The following PIEZO2 variants were observed in gnomAD, a reference collection of about 807,000 sequenced individuals.
PIEZO2 encodes piezo type mechanosensitive ion channel component 2, also known as piezo-type mechanosensitive ion channel component 2.
A neutral mutation model predicts 337.3 loss-of-function variants in PIEZO2; 172 were observed. The observed-to-expected ratio is 0.51, with a 90% CI of 0.45 to 0.58. PIEZO2 has a LOEUF of 0.58. PIEZO2 is among the 20% of genes least tolerant of loss of function. The pLI, the probability that PIEZO2 is intolerant of heterozygous loss-of-function variation, is 0.00. For synonymous variants in PIEZO2, 1,251 were observed against 1,228.5 expected (o/e 1.02, Z -0.38); for missense variants, 3,028 against 3,391.3 (o/e 0.89, Z 2.66).
intron 4 of PIEZO2, among the ~76,000 whole-genome samples, chr18:10,902,677 A>AGATAAAAC (rs935249317): frequency 1.3e-5 from 2 of 152,228 alleles, no homozygotes; most frequent in African/African-American, 4.8e-5. Context: ...TCCAAGCCAA[A>AGATAAAAC]GATAAAACTG....
At chr18:10,976,308 A>T (rs1323673049) in intron 3 of PIEZO2, among the ~76,000 whole-genome samples, 8 of 152,212 alleles carry the variant, frequency 5.3e-5, no homozygotes. Context: ...AAACCAAAAA[A>T]ATCTACAACA....
In PIEZO2 at chr18:10,726,918, G is replaced by A. The variant is rs1019761197; in HGVS notation, c.5029+4489C>T. 2.2e-5 allele frequency: 35 copies of A among 1,567,422 alleles called. No individual in the cohort carries two copies. The highest frequency in any genetic ancestry group is 1.4e-5 in the Non-Finnish European group (16 of 1,154,462). On this transcript the variant is annotated intron_variant, in intron 36 of 55. Coordinates refer to ENST00000674853, the MANE Select transcript of PIEZO2 (RefSeq NM_001378183.1). The surrounding 1 kb of genome is among the most constrained non-coding windows in gnomAD (Gnocchi z 5.9). Reference sequence around the variant, plus strand: ...CCAACCGGCTGGATGTGGCGGAGCTGGGTCGCCTGCTGCCCGACTGATGTA... The same window carrying A: ...CCAACCGGCTGGATGTGGCGGAGCTAGGTCGCCTGCTGCCCGACTGATGTA...
rs1378586165 is a variant in PIEZO2 at position 11,078,053 on chromosome 18, CACA to C, written c.65-11834_65-11832del. On this transcript the variant is annotated intron_variant, in intron 1 of 55. Transcript: ENST00000674853. The surrounding 1 kb of genome is among the most constrained non-coding windows in gnomAD (Gnocchi z 5.3). ...ACACACACCCACACACACCCACACA[CACA>C]CACACACACACCACACACACAAAAA... is the stretch of plus-strand genomic sequence containing the variant. Among the ~76,000 whole-genome samples the C allele has an allele frequency of 7.0e-5, 10 of 143,038 alleles. No homozygotes were observed. The highest frequency in any genetic ancestry group is 2.8e-4 in the African/African-American group (10 of 36,286). The allele number at this position is 143,038 out of a possible 152,430, so 93.8% of individuals were successfully genotyped here. A position where few individuals can be genotyped will look rare whatever the true frequency, so the allele number is the denominator to read the frequency against.
chr18:10,967,740 C>T (rs13381892), intron 3 of PIEZO2, among the ~76,000 whole-genome samples: 1,799 of 152,160 alleles, frequency 0.012, 33 homozygotes, highest in African/African-American at 0.041. Flanking sequence ...TGTATATCTT[C>T]TTTTGAGAAT....
In PIEZO2 at chr18:11,001,905, A is replaced by AGAGGAAG. The variant is rs1555691360; in HGVS notation, c.161-22246_161-22245insCTTCCTC. On this transcript the variant is annotated intron_variant, in intron 2 of 55. Coordinates refer to ENST00000674853, the MANE Select transcript of PIEZO2 (RefSeq NM_001378183.1). This position sits in a 1 kb window ranked among gnomAD's most constrained non-coding sequence, Gnocchi z 5.3. ...AAAAGGAGAAAAAGGGAAGGAAGGA[A>AGAGGAAG]GAAGGAAGGAAGGAAGGAAGGAAGG... Among the ~76,000 whole-genome samples the AGAGGAAG allele has an allele frequency of 7.2e-6, 1 of 139,202 alleles. No homozygotes were observed. Among genetic ancestry groups the AGAGGAAG allele is most frequent in the Admixed American group, 7.4e-5 (1 of 13,490 alleles). 91.3% of individuals were successfully genotyped at this position (139,202 alleles called of 152,430 possible).
chr18:10,787,193 C>T lies in PIEZO2; in HGVS notation c.2170-9G>A. 2 of 1,471,442 alleles carry T rather than the reference C, an allele frequency of 1.4e-6. No homozygotes were observed. Among genetic ancestry groups the T allele is most frequent in the Non-Finnish European group, 1.8e-6 (2 of 1,120,836 alleles). The allele number at this position is 1,471,442 out of a possible 1,614,324, so 91.1% of individuals were successfully genotyped here. On this transcript the variant is annotated splice_polypyrimidine_tract_variant and intron_variant, in intron 15 of 55. Transcript: ENST00000674853. ...CACCATTCATAGTGCACCTGCAAAT[C>T]AGACATTGAAAAAAAAAAATGAGAA...
In PIEZO2 at chr18:10,707,581, T is replaced by G. The variant is rs1567970381; in HGVS notation, c.5588+694A>C. Among the ~76,000 whole-genome samples the G allele has an allele frequency of 6.6e-6, 1 of 152,234 alleles. No individual in the cohort carries two copies. The highest frequency in any genetic ancestry group is 2.4e-5 in the African/African-American group (1 of 41,466). On this transcript the variant is annotated intron_variant, in intron 40 of 55. Transcript: ENST00000674853. The surrounding 1 kb of genome is among the most constrained non-coding windows in gnomAD (Gnocchi z 4.2). ...ACTTCATTGTGCCCCCTCACCATCCTAAGGCAATTCAAAAAGAGTTTTCGG... is the reference window on the plus strand; with the variant it reads ...ACTTCATTGTGCCCCCTCACCATCCGAAGGCAATTCAAAAAGAGTTTTCGG...
chr18:10,864,376 T>C lies in PIEZO2; in HGVS notation c.492+6877A>G, dbSNP rs559075297. On this transcript the variant is annotated intron_variant, in intron 5 of 55. Coordinates refer to ENST00000674853, the MANE Select transcript of PIEZO2 (RefSeq NM_001378183.1). ...GACCCCAGTAGTCACTCAGGGAAGA[T>C]ATAACTACTTATAAATTGAGAATAT... Among the ~76,000 whole-genome samples the C allele has an allele frequency of 3.9e-5, 6 of 152,148 alleles. No homozygotes were observed. The East Asian group carries it at 1.2e-3, about 29-fold the overall frequency.
intron 4 of PIEZO2, among the ~76,000 whole-genome samples, chr18:10,891,131 G>C (rs534285221): frequency 2.6e-5 from 4 of 152,142 alleles, no homozygotes; most frequent in Admixed American, 1.3e-4. Flanking sequence ...CCAGGAGTTC[G>C]AGAGCAACAT....
At chr18:10,873,640 T>A (rs2042192936) in intron 4 of PIEZO2, among the ~76,000 whole-genome samples, 1 of 152,166 alleles carries the variant, frequency 6.6e-6, no homozygotes, top group Admixed American at 6.5e-5. Context: ...ACTAGTCAAC[T>A]ACTGTTATAA....
chr18:10,715,126 G>A (rs565964172), intron 38 of PIEZO2, among the ~76,000 whole-genome samples, 196 bp from the exon 39 acceptor site: 1 of 152,296 alleles, frequency 6.6e-6, no homozygotes, highest in African/African-American at 2.4e-5. Context: ...CTAAGTAAAT[G>A]TCTTCTTATA....
intron 4 of PIEZO2, among the ~76,000 whole-genome samples, chr18:10,873,437 T>C (rs924512280): frequency 2.0e-5 from 3 of 152,202 alleles, no homozygotes; most frequent in Non-Finnish European, 4.4e-5. Flanking sequence ...TTCCCATGTA[T>C]GTATCCACAT....
intron 2 of PIEZO2, among the ~76,000 whole-genome samples, chr18:11,046,942 T>A (rs2037338906): frequency 6.6e-6 from 1 of 152,232 alleles, no homozygotes; most frequent in Non-Finnish European, 1.5e-5. Context: ...AACTTGTCTT[T>A]GATACGCTCT....
rs2037400308 is a variant in PIEZO2 at position 11,048,439 on chromosome 18, G to A, written c.160+17688C>T. 6.6e-6 allele frequency among the ~76,000 whole-genome samples: 1 copy of A among 152,184 alleles called. No individual in the cohort carries two copies. Among genetic ancestry groups the A allele is most frequent in the Non-Finnish European group, 1.5e-5 (1 of 68,036 alleles). ...TATTTTGTACCAGTATTCTCAGTGT[G>A]TTTATTTGACTTCCCTGCTTAATGC... On this transcript the variant is annotated intron_variant, in intron 2 of 55. Coordinates refer to ENST00000674853, the MANE Select transcript of PIEZO2 (RefSeq NM_001378183.1). This position sits in a 1 kb window ranked among gnomAD's most constrained non-coding sequence, Gnocchi z 4.5.
At chr18:11,036,858 G>A (rs1421637768) in intron 2 of PIEZO2, among the ~76,000 whole-genome samples, 1 of 152,172 alleles carries the variant, frequency 6.6e-6, no homozygotes, top group African/African-American at 2.4e-5. Context: ...CTGTGATTGA[G>A]AGTGATGTGT....
At chr18:11,040,702 C>T (rs1317523075) in intron 2 of PIEZO2, among the ~76,000 whole-genome samples, 1 of 152,110 alleles carries the variant, frequency 6.6e-6, no homozygotes, top group African/African-American at 2.4e-5. Flanking sequence ...TGGTCCTCGT[C>T]CCCATAATTA....
Position 11,096,754 on chromosome 18 carries a change from C to T in PIEZO2, c.65-30532G>A, listed in dbSNP as rs1401392688. On this transcript the variant is annotated intron_variant, in intron 1 of 55. Transcript: ENST00000674853. The surrounding 1 kb of genome is among the most constrained non-coding windows in gnomAD (Gnocchi z 4.6). ...GAGAAGGGACAGTGAGTTGCCTAGT[C>T]GCCTACATAGCTCAGGCTGACCACA... Among the ~76,000 whole-genome samples, 2 of 152,182 alleles carry T rather than the reference C, an allele frequency of 1.3e-5. No homozygotes were observed. The highest frequency in any genetic ancestry group is 1.9e-4 in the East Asian group (1 of 5,200).
chr18:10,736,449 A>G (rs2036998099), intron 34 of PIEZO2, among the ~76,000 whole-genome samples, 155 bp downstream of exon 34: 1 of 151,486 alleles, frequency 6.6e-6, no homozygotes, highest in Non-Finnish European at 1.5e-5. Flanking sequence ...GCATCATTAC[A>G]ATTTAATTAG....
chr18:11,049,973 T>C (rs540274891), intron 2 of PIEZO2, among the ~76,000 whole-genome samples: 36 of 152,314 alleles, frequency 2.4e-4, no homozygotes, highest in Middle Eastern at 3.4e-3. Context: ...CTGAAATACT[T>C]TCTTTAGTCG....
Sources: allele counts gnomAD v4.1 joint callset (sites outside exome capture counted in the v4.1 genomes callset), GRCh38; gene constraint gnomAD v4.1.1; non-coding constraint Gnocchi (gnomAD v3.1); transcripts MANE v1.5; gene names NCBI Gene and HGNC (gene_info 2026-07-23, HGNC 2026-07-21).